Variants in CTNND2 observed in about 807,000 individuals in gnomAD.
The protein encoded by CTNND2 is catenin delta-2.
In CTNND2, 22 loss-of-function variants were observed where a neutral mutation model predicts 144.4. The ratio of observed to expected loss-of-function variants is 0.15; its 90% CI spans 0.11 to 0.22. The LOEUF (loss-of-function observed/expected upper bound fraction) is 0.22, where lower values mean the gene tolerates loss of function less well. Among genes scored for constraint, CTNND2 ranks in the 10% least tolerant of loss-of-function variants. The pLI, the probability that CTNND2 is intolerant of heterozygous loss-of-function variation, is 1.00. For missense variants in CTNND2, 1,353 were observed against 1,618.8 expected (o/e 0.84, Z 2.82); for synonymous variants, 751 against 695.6 (o/e 1.08, Z -1.25).
intron 1 of CTNND2, among the ~76,000 whole-genome samples, chr5:11,824,838 G>A (rs754747242): frequency 3.3e-5 from 5 of 152,192 alleles, no homozygotes; most frequent in Non-Finnish European, 7.3e-5. Context: ...TACTGTGTAA[G>A]AGAATAGGGT....
At position 10,979,656 on chromosome 5, in the gene CTNND2, A is replaced by ACTCT. The variant is rs376019453; in HGVS notation, c.3417+2113_3417+2116dup. On this transcript the variant is annotated intron_variant, in intron 21 of 21. Coordinates refer to ENST00000304623, the MANE Select transcript of CTNND2 (RefSeq NM_001332.4). ...TGTTTGCAGAGTAACACACACATAT[A>ACTCT]CTCTCTCTCTCTCTCTCAGATTGGT... Among the ~76,000 whole-genome samples, 6 of 150,176 alleles carry ACTCT rather than the reference A, an allele frequency of 4.0e-5. No homozygotes were observed. The South Asian group carries it at 6.3e-4, about 16-fold the overall frequency.
chr5:11,696,147 C>T (rs887898974), intron 2 of CTNND2, among the ~76,000 whole-genome samples: 3 of 152,202 alleles, frequency 2.0e-5, no homozygotes, highest in African/African-American at 7.2e-5. Flanking sequence ...AATCTCATCT[C>T]TTCTCCAACT....
intron 3 of CTNND2, among the ~76,000 whole-genome samples, chr5:11,558,895 G>GACTA (rs1027719315): frequency 6.6e-6 from 1 of 152,096 alleles, no homozygotes; most frequent in Non-Finnish European, 1.5e-5. Context: ...TGGTCGTGTA[G>GACTA]ACTAAGTAGG....
At chr5:11,173,350 G>A (rs1161804318) in intron 11 of CTNND2, among the ~76,000 whole-genome samples, 1 of 152,202 alleles carries the variant, frequency 6.6e-6, no homozygotes, top group African/African-American at 2.4e-5. Flanking sequence ...CCCAAGTTCT[G>A]GAGACTGTGT....
At chr5:11,492,501 ATATATGTGTG>A (rs1375950954) in intron 3 of CTNND2, among the ~76,000 whole-genome samples, 5 of 124,570 alleles carry the variant, frequency 4.0e-5, no homozygotes, top group African/African-American at 1.7e-4. Flanking sequence ...CTATATATAT[ATATATGTGTG>A]TGTGTGTGTG....
chr5:11,643,079 T>C (rs1252167821), intron 2 of CTNND2, among the ~76,000 whole-genome samples: 1 of 152,192 alleles, frequency 6.6e-6, no homozygotes, highest in Non-Finnish European at 1.5e-5. Context: ...AAACAGATCT[T>C]CAGTTATAAT....
At chr5:11,689,977 T>C (rs1450644857) in intron 2 of CTNND2, among the ~76,000 whole-genome samples, 2 of 152,336 alleles carry the variant, frequency 1.3e-5, no homozygotes, top group Middle Eastern at 3.4e-3. Context: ...TACACAGTAC[T>C]GTGAAGAATA....
At chr5:11,159,370 A>C (rs1233283240) in intron 12 of CTNND2, among the ~76,000 whole-genome samples, 1 of 152,240 alleles carries the variant, frequency 6.6e-6, no homozygotes, top group Admixed American at 6.5e-5. Flanking sequence ...TAAGTCTAAC[A>C]TTAATTAGGT....
chr5:11,540,514 T>TTTTG (rs201416440), intron 3 of CTNND2, among the ~76,000 whole-genome samples: 136 of 152,280 alleles, frequency 8.9e-4, no homozygotes, highest in East Asian at 8.9e-3. Context: ...TGCTGCAATC[T>TTTTG]TTTGTTTGTT....
intron 1 of CTNND2, among the ~76,000 whole-genome samples, chr5:11,844,284 T>C (rs1312421892): frequency 6.6e-6 from 1 of 152,180 alleles, no homozygotes; most frequent in African/African-American, 2.4e-5. Flanking sequence ...AATAGCTCCC[T>C]GAAGACCTTT....
intron 1 of CTNND2, among the ~76,000 whole-genome samples, chr5:11,857,712 T>C (rs1362349933): frequency 6.6e-6 from 1 of 152,212 alleles, no homozygotes; most frequent in African/African-American, 2.4e-5. Context: ...AATGTGCATA[T>C]TGGATCAGGG....
intron 3 of CTNND2, among the ~76,000 whole-genome samples, chr5:11,500,383 T>C (rs1344639354): frequency 1.3e-5 from 2 of 152,190 alleles, no homozygotes; most frequent in African/African-American, 4.8e-5. Context: ...CTTTCAGAAT[T>C]GAGGTAAAGA....
intron 18 of CTNND2, among the ~76,000 whole-genome samples, chr5:11,001,012 C>T (rs1397776958): frequency 6.6e-6 from 1 of 152,192 alleles, no homozygotes; most frequent in Non-Finnish European, 1.5e-5. Context: ...TCCCAGGAGG[C>T]CCTTCAGTCT....
At chr5:11,039,494 C>G (rs1303842089) in intron 16 of CTNND2, among the ~76,000 whole-genome samples, 1 of 152,176 alleles carries the variant, frequency 6.6e-6, no homozygotes, top group Non-Finnish European at 1.5e-5. Flanking sequence ...GGGACCTGTT[C>G]ATCTCCACAT....
intron 3 of CTNND2, among the ~76,000 whole-genome samples, chr5:11,517,615 C>T (rs1366328858): frequency 6.6e-6 from 1 of 151,448 alleles, no homozygotes; most frequent in Non-Finnish European, 1.5e-5. Flanking sequence ...ACACCGGGGC[C>T]TCTCGGGGGT....
chr5:11,246,633 A>G (rs1330814310), intron 9 of CTNND2, among the ~76,000 whole-genome samples: 1 of 149,000 alleles, frequency 6.7e-6, no homozygotes, highest in Non-Finnish European at 1.5e-5. Flanking sequence ...GTGCTTTGCT[A>G]TGGCCACCAC....
chr5:11,222,387 T>C (rs542162294), intron 10 of CTNND2, among the ~76,000 whole-genome samples: 4 of 152,344 alleles, frequency 2.6e-5, no homozygotes, highest in South Asian at 4.1e-4. Context: ...GAGAACTTTG[T>C]GTACCTGGTG....
At chr5:11,728,130 C>T (rs911068990) in intron 2 of CTNND2, among the ~76,000 whole-genome samples, 2 of 152,052 alleles carry the variant, frequency 1.3e-5, no homozygotes. Flanking sequence ...CTTCATATGA[C>T]ACAACATATA....
At chr5:10,992,010 C>A (rs562108908) in intron 19 of CTNND2, among the ~76,000 whole-genome samples, 4 of 152,198 alleles carry the variant, frequency 2.6e-5, no homozygotes, top group African/African-American at 9.7e-5. Context: ...CTCGGCCTCC[C>A]GGGTTCAAGT....
Sources: gnomAD v4.1 joint callset for allele counts (sites outside exome capture counted in the v4.1 genomes callset) on GRCh38, gnomAD v4.1.1 for gene constraint, MANE v1.5 for transcripts, NCBI Gene and HGNC (gene_info 2026-07-23, HGNC 2026-07-21) for gene names.